MIX23: variants seen among roughly 807,000 people sequenced by gnomAD.
MIX23 encodes the protein protein MIX23.
In MIX23, 13 loss-of-function variants were observed where a neutral mutation model predicts 21.6. The ratio of observed to expected loss-of-function variants is 0.60; its 90% CI spans 0.39 to 0.96. The LOEUF (loss-of-function observed/expected upper bound fraction) is 0.96. Ranked by LOEUF, MIX23 falls within the 40% of genes least tolerant of loss-of-function variation. The pLI is 0.00. For missense variants in MIX23, 144 were observed against 171.2 expected (o/e 0.84, Z 0.89); for synonymous variants, 59 against 58.0 (o/e 1.02, Z -0.08).
Position 122,359,847 on chromosome 3 carries a change from A to AG in MIX23, c.*21_*22insC. 6.8e-7 allele frequency: 1 copy of AG among 1,478,392 alleles called. No individual in the cohort carries two copies. Among genetic ancestry groups the AG allele is most frequent in the East Asian group, 2.6e-5 (1 of 38,802 alleles). The allele number at this position is 1,478,392 out of a possible 1,614,324, so 91.6% of individuals were successfully genotyped here. The stretch of plus-strand genomic sequence containing the variant: ...CCAGTCCTTAAAAAAAAAAAAAAAA[A>AG]AAAAAAAAAAAGAATCTCTCTTTAT... On this transcript the variant is annotated 3_prime_UTR_variant, in exon 5 of 5. Coordinates refer to ENST00000291458, the MANE Select transcript of MIX23 (RefSeq NM_001017928.4).
chr3:122,364,582 G>A (rs2075382672), intron 3 of MIX23, among the ~76,000 whole-genome samples: 1 of 152,162 alleles, frequency 6.6e-6, no homozygotes, highest in African/African-American at 2.4e-5. Flanking sequence ...CATGGGAGCA[G>A]AATTTCACAA....
At chr3:122,373,762 C>T (rs1266817931) in intron 1 of MIX23, among the ~76,000 whole-genome samples, 2 of 152,094 alleles carry the variant, frequency 1.3e-5, no homozygotes, top group African/African-American at 4.8e-5. Context: ...ATTTAATGGC[C>T]TTTTCTATAC....
intron 1 of MIX23, among the ~76,000 whole-genome samples, chr3:122,381,502 C>A (rs28679619): frequency 0.13 from 19,088 of 151,968 alleles, 1,380 homozygotes; most frequent in East Asian, 0.32. Flanking sequence ...GAAAGGGGTG[C>A]GGATCACCTG....
chr3:122,373,439 T>C (rs1057346013), intron 1 of MIX23, among the ~76,000 whole-genome samples: 5 of 152,168 alleles, frequency 3.3e-5, no homozygotes, highest in East Asian at 1.9e-4. Context: ...CCTTGCTAAT[T>C]TTTTTGTATA....
At chr3:122,373,482 C>T (rs1181070841) in intron 1 of MIX23, among the ~76,000 whole-genome samples, 2 of 152,250 alleles carry the variant, frequency 1.3e-5, no homozygotes, top group East Asian at 3.9e-4. Context: ...CCACATGGCC[C>T]AGGCTGGTCT....
chr3:122,376,407 C>T (rs1319204309), intron 1 of MIX23, among the ~76,000 whole-genome samples: 1 of 151,970 alleles, frequency 6.6e-6, no homozygotes, highest in African/African-American at 2.4e-5. Context: ...CACCTGAGGT[C>T]AGGAGTTCAA....
chr3:122,382,014 T>C (rs2075536583), intron 1 of MIX23, among the ~76,000 whole-genome samples: 1 of 152,246 alleles, frequency 6.6e-6, no homozygotes, highest in Non-Finnish European at 1.5e-5. Context: ...GTCTGTGGTA[T>C]TTTGTTATGG....
chr3:122,374,520 G>C (rs1026899211), intron 1 of MIX23, among the ~76,000 whole-genome samples: 1 of 152,146 alleles, frequency 6.6e-6, no homozygotes, highest in South Asian at 2.1e-4. Context: ...ATGTAAATAG[G>C]TGTTAGTTAC....
rs1388849858 is a variant in MIX23, at chr3:122,371,792, G to A, written c.60C>T (p.Leu20=). The A allele has an allele frequency of 6.3e-7, 1 of 1,597,476 alleles. No individual in the cohort carries two copies. The highest frequency in any genetic ancestry group is 8.6e-7 in the Non-Finnish European group (1 of 1,165,954). The change falls in exon 2 of 5, where the codon CTC becomes CTT. Residue 20 remains leucine (L), a synonymous_variant. Transcript: ENST00000291458. The part of the protein sequence containing the change: ...CEEFAEFQEL[L]KVMRTIDDRI... The stretch of plus-strand genomic sequence containing the variant: ...TGTCATCAATTGTCCTCATCACCTT[G>A]AGTAATTCCTATATGTATTTAAAAT...
chr3:122,362,851 G>A (rs1414087371), intron 4 of MIX23, 117 bp downstream of exon 4: 11 of 524,144 alleles, frequency 2.1e-5, no homozygotes, highest in South Asian at 1.7e-4. Context: ...AAATGTAAAC[G>A]AGTGATCTCT....
chr3:122,371,315 C>T (rs913015283), intron 2 of MIX23, among the ~76,000 whole-genome samples: 7 of 152,202 alleles, frequency 4.6e-5, no homozygotes, highest in African/African-American at 1.7e-4. Context: ...GTACCAGCTG[C>T]CTGGCTTTTT....
intron 1 of MIX23, among the ~76,000 whole-genome samples, chr3:122,373,870 G>A (rs945857903): frequency 4.0e-5 from 6 of 151,822 alleles, no homozygotes; most frequent in Non-Finnish European, 5.9e-5. Context: ...TTATCTTCTC[G>A]TCCTGTATCT....
At chr3:122,380,803 GA>G (rs901393452) in intron 1 of MIX23, among the ~76,000 whole-genome samples, 12 of 152,084 alleles carry the variant, frequency 7.9e-5, no homozygotes, top group Non-Finnish European at 1.5e-4. Flanking sequence ...ATATAGTAGA[GA>G]AAAAAAGTGC....
intron 2 of MIX23, among the ~76,000 whole-genome samples, chr3:122,370,636 T>A (rs1321199783): frequency 6.6e-6 from 1 of 152,136 alleles, no homozygotes; most frequent in Non-Finnish European, 1.5e-5. Flanking sequence ...TTATAGATTA[T>A]GGAGATTATA....
rs1227147827 is a variant in MIX23, at chr3:122,359,829, TTAAAAAAAAA to T, written c.*30_*39del. The T allele has an allele frequency of 9.7e-7, 1 of 1,028,148 alleles. No homozygotes were observed. Among genetic ancestry groups the T allele is most frequent in the Non-Finnish European group, 1.2e-6 (1 of 814,548 alleles). 63.7% of individuals were successfully genotyped at this position (1,028,148 alleles called of 1,614,324 possible). On this transcript the variant is annotated 3_prime_UTR_variant, in exon 5 of 5. Transcript: ENST00000291458. ...TAGCTCTTATGAGATGACCCAGTCC[TTAAAAAAAAA>T]AAAAAAAAAAAAAAAAAAAGAATCT... is the stretch of plus-strand genomic sequence containing the variant.
chr3:122,379,805 G>C (rs2075516270), intron 1 of MIX23, among the ~76,000 whole-genome samples: 1 of 152,208 alleles, frequency 6.6e-6, no homozygotes, highest in African/African-American at 2.4e-5. Context: ...TATAAATTCT[G>C]TAGTACTCCC....
At chr3:122,371,632 A>G in intron 2 of MIX23, 43 bp downstream of exon 2, 1 of 1,604,908 alleles carries the variant, frequency 6.2e-7, no homozygotes, top group Non-Finnish European at 8.5e-7. Context: ...CAGCCTGCAA[A>G]GAAAGGCATG....
At chr3:122,381,379 C>G (rs1010846922) in intron 1 of MIX23, among the ~76,000 whole-genome samples, 57 of 152,196 alleles carry the variant, frequency 3.7e-4, no homozygotes, top group African/African-American at 1.2e-3. Context: ...AAAGGTTAAA[C>G]AGAGGTCATA....
At chr3:122,365,788 C>T (rs1418294314) in intron 3 of MIX23, among the ~76,000 whole-genome samples, 1 of 152,212 alleles carries the variant, frequency 6.6e-6, no homozygotes, top group Non-Finnish European at 1.5e-5. Flanking sequence ...TCCAATTTAA[C>T]AGCCTTTGCC....
Sources: allele counts gnomAD v4.1 joint callset (sites outside exome capture counted in the v4.1 genomes callset), GRCh38; gene constraint gnomAD v4.1.1; transcripts MANE v1.5; gene names NCBI Gene and HGNC (gene_info 2026-07-23, HGNC 2026-07-21).